The following DCTN4 variants were observed in gnomAD, a reference collection of about 807,000 sequenced individuals.
DCTN4 encodes dynactin subunit 4.
In DCTN4, 23 loss-of-function variants were observed where a neutral mutation model predicts 62.7. The observed-to-expected ratio is 0.37, with a 90% CI of 0.26 to 0.52. The LOEUF (loss-of-function observed/expected upper bound fraction) is 0.52. Among genes scored for constraint, DCTN4 ranks in the 20% least tolerant of loss-of-function variants. DCTN4 has a pLI of 0.92. For missense variants in DCTN4, 514 were observed against 580.4 expected (o/e 0.89, Z 1.18); for synonymous variants, 199 against 202.1 (o/e 0.98, Z 0.13).
intron 1 of DCTN4, chr5:150,757,939 GTTTC>G (rs1187504849): frequency 3.0e-6 from 1 of 330,640 alleles, no homozygotes; most frequent in Non-Finnish European, 4.3e-6. Context: ...CTCTGTATCT[GTTTC>G]TTTACCTGTA....
At chr5:150,738,633 G>A (rs906662803) in intron 4 of DCTN4, among the ~76,000 whole-genome samples, 3 of 152,052 alleles carry the variant, frequency 2.0e-5, no homozygotes, top group Non-Finnish European at 4.4e-5. Flanking sequence ...AGCCATCTAC[G>A]ACAAACACAG....
intron 8 of DCTN4, among the ~76,000 whole-genome samples, chr5:150,724,957 A>C (rs1238234779): frequency 6.6e-6 from 1 of 152,106 alleles, no homozygotes; most frequent in Non-Finnish European, 1.5e-5. Flanking sequence ...GGAGATTGAG[A>C]CCATCCTGGC....
intron 3 of DCTN4, among the ~76,000 whole-genome samples, chr5:150,749,005 C>G (rs76339046): frequency 3.3e-5 from 5 of 151,854 alleles, no homozygotes; most frequent in Non-Finnish European, 4.4e-5. Context: ...TACAGCACTT[C>G]TAGAAGAAAA....
At position 150,758,899 on chromosome 5, in the gene DCTN4, T is replaced by C. The variant is rs1472268013; in HGVS notation, c.95A>G (p.Tyr32Cys). 5.0e-6 allele frequency: 8 copies of C among 1,613,502 alleles called. No homozygotes were observed. Among genetic ancestry groups the C allele is most frequent in the Non-Finnish European group, 6.8e-6 (8 of 1,179,854 alleles). The change falls in exon 1 of 13, where the codon TAT becomes TGT. Residue 32 changes from tyrosine (Y) to cysteine (C), a missense_variant. Tyr to Cys is a radical substitution (Grantham distance 194). Coordinates refer to ENST00000447998, the MANE Select transcript of DCTN4 (RefSeq NM_016221.4). Reference sequence around the variant, plus strand: ...TTCCAGCGACCGCAGTTCGCTACAATAGCGGCAGAAGTAGAGTTGCGAGAG... The same window carrying C: ...TTCCAGCGACCGCAGTTCGCTACAACAGCGGCAGAAGTAGAGTTGCGAGAG... ...APLSQLYFCR[Y>C]CSELRSLECV...
rs201395575 is a variant in DCTN4, at chr5:150,711,263, A to G, written c.1269T>C (p.His423=). The G allele has an allele frequency of 6.2e-7, 1 of 1,613,290 alleles. No homozygotes were observed. Among genetic ancestry groups the G allele is most frequent in the African/African-American group, 1.3e-5 (1 of 74,872 alleles). The part of the protein sequence containing the change: ...GEVTVCFKMK[H]DFKNLAAPIR... ...TGGGGGCTGCCAGGTTTTTAAAATC[A>G]TGCTTCATCTTGAAGCACACGGTCA... is the stretch of plus-strand genomic sequence containing the variant. The change falls in exon 13 of 13, where the codon CAT becomes CAC. Residue 423 remains histidine (H), a synonymous_variant. Coordinates refer to ENST00000447998, the MANE Select transcript of DCTN4 (RefSeq NM_016221.4).
At position 150,731,850 on chromosome 5, in the gene DCTN4, C is replaced by T. The variant is rs1042178793; in HGVS notation, c.538-361G>A. On this transcript the variant is annotated intron_variant, in intron 5 of 12. Transcript: ENST00000447998. ...AACACCAGTGGTCATCTGCTAACTT[C>T]TTCAGGGTCAGCAAGAATCATAAAG... 2.6e-6 allele frequency: 4 copies of T among 1,546,304 alleles called. No individual in the cohort carries two copies. In the African/African-American group the frequency reaches 4.1e-5, roughly 16 times the overall value.
intron 4 of DCTN4, among the ~76,000 whole-genome samples, chr5:150,739,271 G>A (rs764015402): frequency 1.1e-4 from 16 of 151,722 alleles, no homozygotes; most frequent in Non-Finnish European, 1.6e-4. Context: ...CACCAACAGT[G>A]ACCAAGCTGA....
chr5:150,729,908 C>T (rs1022098903), intron 8 of DCTN4, among the ~76,000 whole-genome samples: 1 of 151,930 alleles, frequency 6.6e-6, no homozygotes, highest in African/African-American at 2.4e-5. Flanking sequence ...CCCTTTCTTT[C>T]TGTTTTGTTT....
chr5:150,721,176 G>A (rs529226670), intron 9 of DCTN4, among the ~76,000 whole-genome samples: 26 of 152,250 alleles, frequency 1.7e-4, no homozygotes, highest in African/African-American at 6.0e-4. Context: ...TAACTCACTA[G>A]ACATGCACTT....
intron 8 of DCTN4, among the ~76,000 whole-genome samples, chr5:150,726,040 T>C (rs1760133869): frequency 6.6e-6 from 1 of 152,052 alleles, no homozygotes; most frequent in Non-Finnish European, 1.5e-5. Flanking sequence ...CAAACCTATA[T>C]TTTAAGCAGA....
intron 6 of DCTN4, 118 bp downstream of exon 6, chr5:150,731,298 T>C: frequency 2.9e-6 from 3 of 1,039,512 alleles, no homozygotes; most frequent in African/African-American, 1.6e-5. Flanking sequence ...CTTTTCTAAG[T>C]ATGAGAATCT....
chr5:150,747,810 A>C (rs1181686619), intron 3 of DCTN4, among the ~76,000 whole-genome samples: 3 of 148,802 alleles, frequency 2.0e-5, no homozygotes, highest in East Asian at 2.0e-4. Flanking sequence ...TAAAGACTTA[A>C]ATGTTAGACC....
chr5:150,753,090 C>T (rs1474714829), intron 3 of DCTN4, among the ~76,000 whole-genome samples: 2 of 152,182 alleles, frequency 1.3e-5, no homozygotes, highest in African/African-American at 4.8e-5. Flanking sequence ...TGGTCTCGAT[C>T]TCCTGACCTT....
intron 10 of DCTN4, 144 bp from the exon 11 acceptor site, chr5:150,718,527 C>T (rs1759852237): frequency 8.2e-6 from 5 of 609,742 alleles, no homozygotes. Flanking sequence ...TCTCTATGTG[C>T]TTACTGATCC....
chr5:150,716,833 C>A (rs548694854), intron 11 of DCTN4, among the ~76,000 whole-genome samples: 1 of 151,628 alleles, frequency 6.6e-6, no homozygotes, highest in Non-Finnish European at 1.5e-5. Flanking sequence ...GTAGGGGAAT[C>A]GCTTGAAACT....
chr5:150,758,599 A>G (rs536397054), intron 1 of DCTN4: 3 of 1,217,916 alleles, frequency 2.5e-6, no homozygotes, highest in Admixed American at 7.5e-5. Context: ...GCCCCATCGC[A>G]GACAGACACG....
At chr5:150,753,756 T>G in intron 2 of DCTN4, 99 bp from the exon 3 acceptor site, 2 of 1,271,558 alleles carry the variant, frequency 1.6e-6, no homozygotes, top group Non-Finnish European at 2.2e-6. Context: ...GAAAAAACAG[T>G]AACATTCTGC....
chr5:150,746,116 A>T (rs1157042883), intron 3 of DCTN4, among the ~76,000 whole-genome samples: 23 of 151,614 alleles, frequency 1.5e-4, no homozygotes, highest in Admixed American at 1.5e-3. Flanking sequence ...GGATATCACC[A>T]CCGATCCCAC....
At chr5:150,750,753 T>A (rs1397953010) in intron 3 of DCTN4, among the ~76,000 whole-genome samples, 1 of 152,204 alleles carries the variant, frequency 6.6e-6, no homozygotes, top group Non-Finnish European at 1.5e-5. Flanking sequence ...CATGTATGGA[T>A]GCTAATAAAC....
Sources: allele counts gnomAD v4.1 joint callset (sites outside exome capture counted in the v4.1 genomes callset), GRCh38; gene constraint gnomAD v4.1.1; transcripts MANE v1.5; gene names NCBI Gene and HGNC (gene_info 2026-07-23, HGNC 2026-07-21).